DNAH14: variants seen among roughly 807,000 people sequenced by gnomAD.
The protein encoded by DNAH14 is dynein axonemal heavy chain 14.
In DNAH14, 478 loss-of-function variants were observed where a neutral mutation model predicts 520.9. The observed-to-expected ratio is 0.92, with a 90% CI of 0.85 to 0.99. The LOEUF (loss-of-function observed/expected upper bound fraction) is 0.99, where lower values mean the gene tolerates loss of function less well. DNAH14 is among the 50% of genes least tolerant of loss of function. The pLI is 0.00. For synonymous variants in DNAH14, 1,581 were observed against 1,757.2 expected (o/e 0.90, Z 2.51); for missense variants, 4,831 against 5,234.5 (o/e 0.92, Z 2.38).
intron 41 of DNAH14, among the ~76,000 whole-genome samples, chr1:225,210,722 A>G (rs1454263075): frequency 6.6e-6 from 1 of 152,162 alleles, no homozygotes; most frequent in Admixed American, 6.5e-5. Context: ...ACCTCCCAGC[A>G]GGGGCCAACA....
chr1:225,298,821 G>T (rs2094073268), intron 55 of DNAH14, among the ~76,000 whole-genome samples: 1 of 152,180 alleles, frequency 6.6e-6, no homozygotes, highest in Non-Finnish European at 1.5e-5. Flanking sequence ...AAGGACTCTG[G>T]GATTGTCCTG....
Position 225,301,006 on chromosome 1 carries a change from A to G in DNAH14, c.8607A>G (p.Gln2869=), listed in dbSNP as rs1220787923. Residue 2869 remains glutamine, a synonymous_variant, in exon 56 of 86, where the codon CAA becomes CAG. Coordinates refer to ENST00000682510, the MANE Select transcript of DNAH14 (RefSeq NM_001367479.1). ...TEQSGHMDNR[Q]SLLSFFQKRI... is the part of the protein sequence containing the mutation. ...AATCTGGTCATATGGATAATAGGCA[A>G]TCTTTACTTTCATTCTTTCAAAAGG... The G allele has an allele frequency of 4.5e-6, 7 of 1,548,932 alleles. No homozygotes were observed. The Admixed American group carries it at 1.4e-4, about 31-fold the overall frequency.
intron 10 of DNAH14, among the ~76,000 whole-genome samples, chr1:225,009,882 T>C (rs192463189): frequency 6.6e-6 from 1 of 152,338 alleles, no homozygotes; most frequent in Non-Finnish European, 1.5e-5. Context: ...TTGCTCATGA[T>C]TAGGTTCTCT....
chr1:225,237,351 A>G (rs1306722932), intron 42 of DNAH14, among the ~76,000 whole-genome samples: 2 of 152,064 alleles, frequency 1.3e-5, no homozygotes, highest in Non-Finnish European at 2.9e-5. Flanking sequence ...TCTGAAAAAG[A>G]TATTATTTCT....
chr1:225,335,678 TATATAC>T lies in DNAH14; in HGVS notation c.10081-1587_10081-1582del, dbSNP rs1558434020. On this transcript the variant is annotated intron_variant, in intron 66 of 85. Transcript: ENST00000682510. ...GCATATATACATATGTGCATATATG[TATATAC>T]GCATATATACATATGTGCATATATG... Among the ~76,000 whole-genome samples, 24 of 95,246 alleles carry T rather than the reference TATATAC, an allele frequency of 2.5e-4. 7 individuals carry two copies. Among genetic ancestry groups the T allele is most frequent in the African/African-American group, 8.8e-4 (18 of 20,360 alleles). The allele number at this position is 95,246 out of a possible 152,430, so 62.5% of individuals were successfully genotyped here.
chr1:225,059,108 C>CT (rs1277342154), intron 17 of DNAH14, among the ~76,000 whole-genome samples: 1 of 152,104 alleles, frequency 6.6e-6, no homozygotes, highest in African/African-American at 2.4e-5. Context: ...GTTGATGTGT[C>CT]TAATGTTGAC....
chr1:224,934,112 T>TA (rs1253813420), intron 1 of DNAH14, among the ~76,000 whole-genome samples: 2 of 151,716 alleles, frequency 1.3e-5, no homozygotes, highest in Non-Finnish European at 1.5e-5. Flanking sequence ...CATAAAAACA[T>TA]AAAAAACATG....
At chr1:224,965,705 A>G (rs1404368664) in intron 5 of DNAH14, among the ~76,000 whole-genome samples, 3 of 152,114 alleles carry the variant, frequency 2.0e-5, no homozygotes, top group Non-Finnish European at 2.9e-5. Context: ...TACACTCACC[A>G]TATTATCAAG....
At chr1:225,125,282 T>C (rs1273077888) in intron 27 of DNAH14, among the ~76,000 whole-genome samples, 1 of 152,202 alleles carries the variant, frequency 6.6e-6, no homozygotes, top group Non-Finnish European at 1.5e-5. Context: ...ATTTGAAGCT[T>C]TGAAGCCAGG....
intron 27 of DNAH14, among the ~76,000 whole-genome samples, chr1:225,126,386 C>G (rs988689606): frequency 1.3e-5 from 2 of 152,154 alleles, no homozygotes; most frequent in Admixed American, 6.6e-5. Flanking sequence ...AATTTCAGAT[C>G]CTGTTCTTGG....
Position 225,333,331 on chromosome 1 carries a change from TAGAA to T in DNAH14, c.9906_9909del (p.Gly3304PhefsTer18). 1 of 1,551,658 alleles carries T rather than the reference TAGAA, an allele frequency of 6.4e-7. No individual in the cohort carries two copies. Among genetic ancestry groups the T allele is most frequent in the African/African-American group, 1.4e-5 (1 of 73,126 alleles). On this transcript the variant is annotated frameshift_variant, in exon 66 of 86. Transcript: ENST00000682510. LOFTEE classifies it high-confidence loss of function. ...ACAATCAATCAAATAGATAACAAAT[TAGAA>T]GGAATTTTGGGTGACATACTTCTTT... is the stretch of plus-strand genomic sequence containing the variant.
chr1:225,120,885 C>A (rs906944268), intron 26 of DNAH14, among the ~76,000 whole-genome samples: 1 of 152,134 alleles, frequency 6.6e-6, no homozygotes, highest in African/African-American at 2.4e-5. Context: ...AATGATAGTC[C>A]TATCTCTTCC....
rs1309120289 is a variant in DNAH14 at position 225,324,793 on chromosome 1, G to A, written c.9684G>A (p.Ala3228=). 40 of 1,551,252 alleles carry A rather than the reference G, an allele frequency of 2.6e-5. No individual in the cohort carries two copies. The highest frequency in any genetic ancestry group is 2.7e-5 in the African/African-American group (2 of 72,976). The stretch of plus-strand genomic sequence containing the variant: ...AAGCTCAAAACGTCCTTAAAATTGC[G>A]CGACAAAGACTTGCTGAGAAACAAA... ...VAEAQNVLKI[A]RQRLAEKQRG... is the part of the protein sequence containing the mutation. Residue 3228 remains alanine, a synonymous_variant, in exon 64 of 86, where the codon GCG becomes GCA. Coordinates refer to ENST00000682510, the MANE Select transcript of DNAH14 (RefSeq NM_001367479.1).
At chr1:225,366,016 A>G (rs1350822684) in intron 76 of DNAH14, among the ~76,000 whole-genome samples, 4 of 152,208 alleles carry the variant, frequency 2.6e-5, no homozygotes, top group African/African-American at 7.2e-5. Context: ...GCACCTACAC[A>G]TAAGTCAGAA....
intron 34 of DNAH14, among the ~76,000 whole-genome samples, chr1:225,154,568 T>G (rs1427242950): frequency 1.3e-5 from 2 of 152,184 alleles, no homozygotes; most frequent in East Asian, 3.9e-4. Context: ...CTTTGGGCAT[T>G]TATTATATCA....
chr1:225,102,160 G>A (rs533661081), intron 23 of DNAH14, among the ~76,000 whole-genome samples: 3 of 150,828 alleles, frequency 2.0e-5, no homozygotes, highest in Admixed American at 6.7e-5. Flanking sequence ...TTCTCCTTGC[G>A]ATAGTTTGCT....
At chr1:225,064,102 A>G (rs191397517) in intron 17 of DNAH14, among the ~76,000 whole-genome samples, 27 of 152,134 alleles carry the variant, frequency 1.8e-4, no homozygotes, top group Admixed American at 9.8e-4. Context: ...AAAAATAACA[A>G]GACAACCCAG....
In DNAH14 at chr1:225,340,655, T is replaced by C; in HGVS notation, c.10632T>C (p.Leu3544=). 2 of 1,551,368 alleles carry C rather than the reference T, an allele frequency of 1.3e-6. No homozygotes were observed. The highest frequency in any genetic ancestry group is 2.4e-5 in the East Asian group (1 of 40,838). The change falls in exon 69 of 86, where the codon CTT becomes CTC. Residue 3544 remains leucine, a synonymous_variant. Coordinates refer to ENST00000682510, the MANE Select transcript of DNAH14 (RefSeq NM_001367479.1). The part of the protein sequence containing the change: ...LESISLDAIT[L]EELEEKTLNL... ...GTATTTCCCTTGATGCCATAACTCTTGAAGAACTAGAGGAAAAAACATTAA... is the reference window on the plus strand; with the variant it reads ...GTATTTCCCTTGATGCCATAACTCTCGAAGAACTAGAGGAAAAAACATTAA...
At chr1:225,014,163 G>C (rs55876129) in intron 10 of DNAH14, among the ~76,000 whole-genome samples, 2 of 152,086 alleles carry the variant, frequency 1.3e-5, no homozygotes, top group Non-Finnish European at 2.9e-5. Context: ...GGATAGTCTT[G>C]TCCCTCATGG....
Sources: allele counts gnomAD v4.1 joint callset (sites outside exome capture counted in the v4.1 genomes callset), GRCh38; gene constraint gnomAD v4.1.1; transcripts MANE v1.5; gene names NCBI Gene and HGNC (gene_info 2026-07-23, HGNC 2026-07-21).